Variants in COL26A1 observed in about 807,000 individuals in gnomAD.
COL26A1 encodes collagen type XXVI alpha 1 chain, also known as collagen alpha-1(XXVI) chain.
Under a neutral mutation model 59.3 loss-of-function variants are expected in COL26A1, and 41 were observed. That is an observed-to-expected ratio of 0.69 (90% CI 0.54 to 0.90). The LOEUF (loss-of-function observed/expected upper bound fraction) is 0.90. COL26A1 is among the 40% of genes least tolerant of loss of function. The pLI is 0.00. For synonymous variants in COL26A1, 266 were observed against 256.0 expected (o/e 1.04, Z -0.37); for missense variants, 612 against 602.3 (o/e 1.02, Z -0.17).
chr7:101,419,643 C>T (rs1401106879), intron 1 of COL26A1, among the ~76,000 whole-genome samples: 2 of 152,232 alleles, frequency 1.3e-5, no homozygotes, highest in South Asian at 4.1e-4. Flanking sequence ...GTGTTCACCA[C>T]GTGGTGGAAC....
chr7:101,520,635 C>T (rs562596337), intron 3 of COL26A1, among the ~76,000 whole-genome samples: 9 of 84,280 alleles, frequency 1.1e-4, no homozygotes, highest in African/African-American at 2.4e-4. Flanking sequence ...CAGACACATA[C>T]ACACACACAC....
At chr7:101,543,861 C>T in intron 5 of COL26A1, 137 bp from the exon 6 acceptor site, 2 of 587,680 alleles carry the variant, frequency 3.4e-6, no homozygotes, top group South Asian at 2.3e-5. Flanking sequence ...GATGTGAGTG[C>T]CTTTGCCTGT....
intron 3 of COL26A1, among the ~76,000 whole-genome samples, chr7:101,462,467 C>T (rs1793639046): frequency 1.3e-5 from 2 of 152,000 alleles, no homozygotes. Context: ...TAGGTGTGTA[C>T]CACCACACCT....
chr7:101,460,614 C>A (rs563705785), intron 3 of COL26A1, among the ~76,000 whole-genome samples: 1 of 151,958 alleles, frequency 6.6e-6, no homozygotes, highest in African/African-American at 2.4e-5. Context: ...AAAATTGTCT[C>A]TACTAAAAAT....
intron 3 of COL26A1, among the ~76,000 whole-genome samples, chr7:101,463,869 T>TTTCTTTCTTTCTTTCTTTCTTTC (rs767308668): frequency 6.9e-4 from 63 of 91,732 alleles, no homozygotes; most frequent in African/African-American, 3.4e-3. Context: ...CTCTTTTTTC[T>TTTCTTTCTTTCTTTCTTTCTTTC]TTTCTTTCTT....
chr7:101,370,480 C>A (rs1791165549), intron 1 of COL26A1, among the ~76,000 whole-genome samples: 1 of 152,114 alleles, frequency 6.6e-6, no homozygotes, highest in Non-Finnish European at 1.5e-5. Context: ...AAGCGATTCT[C>A]CTGCCTCAGC....
At position 101,443,179 on chromosome 7, in the gene COL26A1, A is replaced by T. The variant is rs146626090; in HGVS notation, c.282-4505A>T. Among the ~76,000 whole-genome samples the T allele has an allele frequency of 4.3e-3, 647 of 151,866 alleles. 2 individuals carry two copies. Among genetic ancestry groups the T allele is most frequent in the African/African-American group, 0.015 (618 of 41,392 alleles). On this transcript the variant is annotated intron_variant, in intron 2 of 12. Transcript: ENST00000313669. ...ACTAAGGCTCTGCCACCTCTTTCCAACCCCCCATCCTGCACTGGATTGCCC... is the reference window on the plus strand; with the variant it reads ...ACTAAGGCTCTGCCACCTCTTTCCATCCCCCCATCCTGCACTGGATTGCCC...
At chr7:101,457,749 A>G (rs970900077) in intron 3 of COL26A1, among the ~76,000 whole-genome samples, 1 of 152,108 alleles carries the variant, frequency 6.6e-6, no homozygotes, top group Non-Finnish European at 1.5e-5. Context: ...ACAGCATATA[A>G]TCTTTTGTGT....
intron 4 of COL26A1, among the ~76,000 whole-genome samples, chr7:101,539,344 T>C (rs1262742003): frequency 2.0e-5 from 3 of 150,480 alleles, no homozygotes; most frequent in East Asian, 1.9e-4. Context: ...GCTTTTTTTT[T>C]CTCTCTCTCT....
At chr7:101,482,739 T>C (rs112763078) in intron 3 of COL26A1, among the ~76,000 whole-genome samples, 5,695 of 152,194 alleles carry the variant, frequency 0.037, 173 homozygotes, top group Middle Eastern at 0.061. Flanking sequence ...GGTGGATTAC[T>C]TGAGACCAGG....
chr7:101,540,204 T>C (rs1026128642), intron 5 of COL26A1, among the ~76,000 whole-genome samples, 155 bp downstream of exon 5: 5 of 152,172 alleles, frequency 3.3e-5, no homozygotes, highest in African/African-American at 9.7e-5. Flanking sequence ...TGAAAATGGG[T>C]ATTTCACCTA....
intron 4 of COL26A1, among the ~76,000 whole-genome samples, chr7:101,538,495 G>A (rs911907556): frequency 6.6e-6 from 1 of 152,236 alleles, no homozygotes; most frequent in Non-Finnish European, 1.5e-5. Context: ...CATTTGTGAT[G>A]TCGCCGCAGT....
At chr7:101,377,511 TG>T (rs144394204) in intron 1 of COL26A1, among the ~76,000 whole-genome samples, 8,211 of 152,130 alleles carry the variant, frequency 0.054, 239 homozygotes, top group Non-Finnish European at 0.069. Flanking sequence ...ACTGCAGCCT[TG>T]ACTGTCTGGA....
chr7:101,507,337 A>C (rs1794833241), intron 3 of COL26A1, among the ~76,000 whole-genome samples: 1 of 152,102 alleles, frequency 6.6e-6, no homozygotes, highest in Non-Finnish European at 1.5e-5. Flanking sequence ...GTTGCAAGGG[A>C]TCCCCAACAT....
intron 2 of COL26A1, among the ~76,000 whole-genome samples, chr7:101,430,323 G>A (rs1207168298): frequency 1.3e-5 from 2 of 151,742 alleles, no homozygotes; most frequent in African/African-American, 4.8e-5. Context: ...TCACTCTGTT[G>A]CCCAGGCTGG....
chr7:101,452,315 T>C (rs10278634), intron 3 of COL26A1, among the ~76,000 whole-genome samples: 2,722 of 152,134 alleles, frequency 0.018, 83 homozygotes, highest in African/African-American at 0.062. Context: ...CACCACCAAG[T>C]AGGTTCATGT....
intron 2 of COL26A1, among the ~76,000 whole-genome samples, chr7:101,446,711 G>C (rs1426838620): frequency 6.6e-6 from 1 of 152,050 alleles, no homozygotes; most frequent in African/African-American, 2.4e-5. Context: ...GCTGGGCCTG[G>C]TGGCACACAC....
chr7:101,364,540 G>T (rs1239600224), intron 1 of COL26A1, among the ~76,000 whole-genome samples: 2 of 150,136 alleles, frequency 1.3e-5, no homozygotes. Flanking sequence ...AGGCCTAGGA[G>T]CCACTCAGGA....
intron 4 of COL26A1, among the ~76,000 whole-genome samples, chr7:101,536,609 ACAG>A (rs1295242073): frequency 2.6e-5 from 4 of 152,238 alleles, no homozygotes; most frequent in African/African-American, 9.6e-5. Flanking sequence ...CTTGCATAAA[ACAG>A]CAGCAACCCA....
Sources: gnomAD v4.1 joint callset for allele counts (sites outside exome capture counted in the v4.1 genomes callset) on GRCh38, gnomAD v4.1.1 for gene constraint, MANE v1.5 for transcripts, NCBI Gene and HGNC (gene_info 2026-07-23, HGNC 2026-07-21) for gene names.